The following WDR11 variants were observed in gnomAD, a reference collection of about 807,000 sequenced individuals.
The protein encoded by WDR11 is WD repeat-containing protein 11.
Under a neutral mutation model 151.2 loss-of-function variants are expected in WDR11, and 83 were observed. That is an observed-to-expected ratio of 0.55 (90% confidence interval 0.46 to 0.66). The LOEUF (loss-of-function observed/expected upper bound fraction) is 0.66, where lower values mean the gene tolerates loss of function less well. Among genes scored for constraint, WDR11 ranks in the 30% least tolerant of loss-of-function variants. WDR11 has a pLI of 0.00. For synonymous variants in WDR11, 484 were observed against 533.1 expected, an observed-to-expected ratio of 0.91 and a Z score of 1.27; for missense variants, 1,301 against 1,480.9, an observed-to-expected ratio of 0.88 and a Z score of 1.99.
intron 17 of WDR11, 46 bp from the exon 18 acceptor site, chr10:120,889,849 G>A (rs780354425): frequency 7.6e-7 from 1 of 1,308,214 alleles, no homozygotes; most frequent in Non-Finnish European, 1.1e-6. Context: ...CTGGTGACCA[G>A]ATCTCACTCT....
At chr10:120,905,533 A>G (rs1440209494) in intron 26 of WDR11, 117 bp downstream of exon 26, 1 of 1,039,568 alleles carries the variant, frequency 9.6e-7, no homozygotes, top group Non-Finnish European at 1.5e-6. Flanking sequence ...CTTTGCAAAT[A>G]CTGTCTTGGA....
chr10:120,887,687 C>CG (rs1847268825), intron 16 of WDR11, among the ~76,000 whole-genome samples: 1 of 152,150 alleles, frequency 6.6e-6, no homozygotes, highest in Non-Finnish European at 1.5e-5. Context: ...TGGCTGTTGA[C>CG]GAGGGACCTT....
intron 11 of WDR11, among the ~76,000 whole-genome samples, chr10:120,877,957 T>C (rs757079511): frequency 6.6e-6 from 1 of 152,192 alleles, no homozygotes; most frequent in Non-Finnish European, 1.5e-5. Flanking sequence ...TATAATGCAA[T>C]GGAAGATACT....
chr10:120,901,135 GAGAA>G (rs752979337), intron 21 of WDR11, 37 bp downstream of exon 21: 2 of 1,527,122 alleles, frequency 1.3e-6, no homozygotes, highest in Middle Eastern at 1.7e-4. Context: ...ATAGGAATAT[GAGAA>G]AGAAAAATGC....
intron 9 of WDR11, among the ~76,000 whole-genome samples, chr10:120,867,533 A>G (rs759868673): frequency 2.0e-5 from 3 of 152,202 alleles, no homozygotes; most frequent in Admixed American, 1.3e-4. Flanking sequence ...AATGAAGTAC[A>G]TGCTTCCTTT....
At chr10:120,894,395 C>T (rs961818836) in intron 19 of WDR11, among the ~76,000 whole-genome samples, 6 of 152,144 alleles carry the variant, frequency 3.9e-5, no homozygotes, top group Admixed American at 6.6e-5. Context: ...AATCTTGGGG[C>T]ATTCAGAAAT....
chr10:120,889,593 G>C (rs891742687), intron 17 of WDR11: 3 of 443,268 alleles, frequency 6.8e-6, no homozygotes, highest in Non-Finnish European at 1.2e-5. Flanking sequence ...TGGCAAGAAG[G>C]ATCAGTAAAC....
intron 8 of WDR11, 32 bp from the exon 9 acceptor site, chr10:120,867,034 T>C (rs762421931): frequency 3.5e-5 from 54 of 1,543,794 alleles, no homozygotes; most frequent in Non-Finnish European, 4.6e-5. Flanking sequence ...ATTTTAAGTA[T>C]GTAAAACCTT....
At chr10:120,874,592 T>A (rs11199620) in intron 11 of WDR11, among the ~76,000 whole-genome samples, 4 of 151,352 alleles carry the variant, frequency 2.6e-5, no homozygotes, top group Admixed American at 2.6e-4. Context: ...CTAGTGTGTG[T>A]TGTTCCCCTC....
At chr10:120,878,241 AATTAATTT>A in intron 11 of WDR11, 104 bp from the exon 12 acceptor site, 1 of 785,000 alleles carries the variant, frequency 1.3e-6, no homozygotes, top group Non-Finnish European at 2.1e-6. Flanking sequence ...CTTACTTTTT[AATTAATTT>A]GTGTAATAAA....
chr10:120,901,186 TTAC>T, intron 21 of WDR11, 88 bp downstream of exon 21: 1 of 1,220,728 alleles, frequency 8.2e-7, no homozygotes, highest in Non-Finnish European at 1.2e-6. Context: ...TTAAAATAAG[TTAC>T]GTTTTAGAAA....
intron 4 of WDR11, 30 bp downstream of exon 4, chr10:120,860,312 TTAAG>T (rs1846098122): frequency 6.2e-7 from 1 of 1,603,676 alleles, no homozygotes; most frequent in Non-Finnish European, 8.5e-7. Flanking sequence ...GGAAAATGAG[TTAAG>T]TGAGATATTT....
At chr10:120,900,212 C>G in intron 20 of WDR11, 75 bp downstream of exon 20, 1 of 1,231,152 alleles carries the variant, frequency 8.1e-7, no homozygotes, top group South Asian at 1.2e-5. Flanking sequence ...CAGCCATGGC[C>G]TGTACTCCAG....
In WDR11 at chr10:120,890,798, T is replaced by C. The variant is rs200182699; in HGVS notation, c.2426T>C (p.Val809Ala). 7.7e-5 allele frequency: 125 copies of C among 1,614,086 alleles called. No individual in the cohort carries two copies. Among genetic ancestry groups the C allele is most frequent in the Non-Finnish European group, 9.8e-5 (116 of 1,180,046 alleles). The change falls in exon 19 of 29, where the codon GTG (valine) becomes GCG (alanine). Residue 809 changes from valine (V) to alanine (A), a missense_variant. Physicochemically the swap from Val to Ala is moderately conservative, Grantham distance 64. Around this residue, in one of 3 missense-constraint regions of WDR11, gnomAD observed 589 missense variants for 670.6 expected, o/e 0.88. Transcript: ENST00000263461. ...GTGGACTGGTGTACGTCAGATAAAG[T>C]GATCTTGGCCTCAGATGATGGGTGC... ...LDVDWCTSDK[V>A]ILASDDGCIR...
intron 10 of WDR11, among the ~76,000 whole-genome samples, chr10:120,873,153 T>A (rs1164074283): frequency 2.6e-5 from 4 of 152,210 alleles, no homozygotes; most frequent in Non-Finnish European, 5.9e-5. Flanking sequence ...AGAATACTAA[T>A]AGTTAACCAA....
chr10:120,853,443 T>A (rs570464848), intron 2 of WDR11, among the ~76,000 whole-genome samples: 2 of 152,172 alleles, frequency 1.3e-5, no homozygotes, highest in Admixed American at 1.3e-4. Context: ...TTTTTTGTAT[T>A]TTTAGTAGAG....
rs753177102 is a variant in WDR11 at position 120,866,646 on chromosome 10, C to T, written c.1072C>T (p.Pro358Ser). The T allele has an allele frequency of 6.2e-7, 1 of 1,614,194 alleles. No homozygotes were observed. Among genetic ancestry groups the T allele is most frequent in the South Asian group, 1.1e-5 (1 of 91,086 alleles). Residue 358 changes from proline (P) to serine (S), a missense_variant, in exon 8 of 29, where the codon CCC becomes TCC. Around this residue, in one of 3 missense-constraint regions of WDR11, gnomAD observed 692 missense variants for 762.5 expected, o/e 0.91. Transcript: ENST00000263461. ...AATCAGGGTGACAAAAACCGTCCGT[C>T]CCTTCAGTATGGTGTGCTGTCCTGT... ...DAIRVTKTVR[P>S]FSMVCCPVNE...
At chr10:120,851,847 TTC>T (rs1451333846) in intron 1 of WDR11, 3 of 395,302 alleles carry the variant, frequency 7.6e-6, no homozygotes, top group Non-Finnish European at 1.4e-5. Context: ...CCTGTGCACT[TTC>T]TCTTTCCCAT....
intron 2 of WDR11, among the ~76,000 whole-genome samples, chr10:120,855,290 G>T (rs573201306): frequency 6.6e-6 from 1 of 152,268 alleles, no homozygotes; most frequent in South Asian, 2.1e-4. Context: ...TGGACAAAGG[G>T]ATGATTTATG....
Sources: gnomAD v4.1 joint callset for allele counts (sites outside exome capture counted in the v4.1 genomes callset) on GRCh38, gnomAD v4.1.1 for gene constraint, gnomAD v4.1.1 regional missense constraint, MANE v1.5 for transcripts, NCBI Gene and HGNC (gene_info 2026-07-23, HGNC 2026-07-21) for gene names.